TAB2: variants seen among roughly 807,000 people sequenced by gnomAD.
TAB2 encodes TGF-beta activated kinase 1 (MAP3K7) binding protein 2.
A neutral mutation model predicts 65.0 loss-of-function variants in TAB2; 3 were observed. That is an observed-to-expected ratio of 0.05 (90% CI 0.02 to 0.12). The LOEUF (loss-of-function observed/expected upper bound fraction) is 0.12. Ranked by LOEUF, TAB2 falls within the 10% of genes least tolerant of loss-of-function variation. The pLI is 1.00. For synonymous variants in TAB2, 298 were observed against 285.1 expected (o/e 1.05, Z -0.46); for missense variants, 623 against 840.3 (o/e 0.74, Z 3.20).
rs148722166 is a variant in TAB2, at chr6:149,378,269, T to C, written c.354T>C (p.Asn118=). Residue 118 remains asparagine, a synonymous_variant, in exon 3 of 7, where the codon AAT becomes AAC. Transcript: ENST00000637181. Reference sequence around the variant, plus strand: ...GACAACTTCAAGGTGGCCAGTCCAATAGTGAACTATTTCAGCAGGAGCCAC... The same window carrying C: ...GACAACTTCAAGGTGGCCAGTCCAACAGTGAACTATTTCAGCAGGAGCCAC... The part of the protein sequence containing the change: ...SDGQLQGGQS[N]SELFQQEPQT... 1.5e-5 allele frequency: 24 copies of C among 1,614,228 alleles called. No individual in the cohort carries two copies. The highest frequency in any genetic ancestry group is 1.0e-5 in the Non-Finnish European group (12 of 1,180,044).
At chr6:149,365,071 C>T (rs534041698) in intron 1 of TAB2, among the ~76,000 whole-genome samples, 1 of 152,076 alleles carries the variant, frequency 6.6e-6, no homozygotes, top group Non-Finnish European at 1.5e-5. Context: ...GGAATTAACC[C>T]TCCTAGATCA....
intron 1 of TAB2, among the ~76,000 whole-genome samples, chr6:149,236,017 CAG>C (rs1218901158): frequency 1.3e-5 from 2 of 152,144 alleles, no homozygotes; most frequent in Non-Finnish European, 2.9e-5. Flanking sequence ...GACCATGACA[CAG>C]AGCTCAAAAT....
chr6:149,278,026 C>T (rs73603586), intron 1 of TAB2, among the ~76,000 whole-genome samples: 3,560 of 152,204 alleles, frequency 0.023, 151 homozygotes, highest in African/African-American at 0.08. Context: ...TTCTCCCTAG[C>T]GAAGCTAATT....
chr6:149,259,598 C>G (rs1398379704), intron 1 of TAB2, among the ~76,000 whole-genome samples: 1 of 152,190 alleles, frequency 6.6e-6, no homozygotes, highest in Admixed American at 6.5e-5. Context: ...ATTGCCCAAC[C>G]TGGACAAAGG....
Position 149,261,446 on chromosome 6 carries a change from A to G in TAB2, c.-121+42670A>G, listed in dbSNP as rs545361665. Among the ~76,000 whole-genome samples the G allele has an allele frequency of 4.1e-4, 62 of 152,366 alleles. 2 individuals are homozygous for G. Among genetic ancestry groups the G allele is most frequent in the Admixed American group, 2.2e-3 (33 of 15,296 alleles). ...GACAAAAAGAACTATTTTAAAAAGC[A>G]TGTGTTTTTCATAGCGTACTTCACT... On this transcript the variant is annotated intron_variant, in intron 1 of 1. Transcript: ENST00000606202.
At chr6:149,302,510 G>A (rs750210947) in intron 1 of TAB2, among the ~76,000 whole-genome samples, 2 of 152,116 alleles carry the variant, frequency 1.3e-5, no homozygotes, top group Non-Finnish European at 1.5e-5. Context: ...GCTGTTCTCC[G>A]AAAATCTGTC....
At chr6:149,222,473 C>T (rs188759257) in intron 1 of TAB2, among the ~76,000 whole-genome samples, 168 of 151,966 alleles carry the variant, frequency 1.1e-3, no homozygotes, top group African/African-American at 3.6e-3. Context: ...TAAAAATTAG[C>T]GAGGCATGGT....
intron 1 of TAB2, among the ~76,000 whole-genome samples, chr6:149,367,278 G>A (rs985915859): frequency 6.6e-6 from 1 of 152,056 alleles, no homozygotes; most frequent in African/African-American, 2.4e-5. Flanking sequence ...GATTGGTCAG[G>A]GAAACTGTCT....
chr6:149,266,577 G>A (rs1778269435), intron 1 of TAB2, among the ~76,000 whole-genome samples: 1 of 152,156 alleles, frequency 6.6e-6, no homozygotes, highest in African/African-American at 2.4e-5. Flanking sequence ...AACAGTGATC[G>A]GCTTATAACC....
intron 1 of TAB2, among the ~76,000 whole-genome samples, chr6:149,232,792 G>A (rs1777429782): frequency 6.6e-6 from 1 of 152,084 alleles, no homozygotes; most frequent in African/African-American, 2.4e-5. Flanking sequence ...AGGAAACTGA[G>A]GCTTGGAGAA....
At chr6:149,406,996 C>T (rs989244381) in intron 6 of TAB2, among the ~76,000 whole-genome samples, 3 of 152,200 alleles carry the variant, frequency 2.0e-5, no homozygotes, top group African/African-American at 7.2e-5. Context: ...GGATTACAGG[C>T]GTGAGCCACA....
intron 1 of TAB2, among the ~76,000 whole-genome samples, chr6:149,289,524 C>T (rs1030026598): frequency 4.6e-5 from 7 of 152,312 alleles, no homozygotes; most frequent in Admixed American, 3.9e-4. Context: ...CAGGTGTTTC[C>T]CACATGCAGC....
In TAB2 at chr6:149,409,558, AT is replaced by A. The variant is rs756663495; in HGVS notation, c.1940-12del. ...TTTGTGATTTTTTACTTATAAAATA[AT>A]TTTTTTCTTTCTTACAGATCAAAGG... On this transcript the variant is annotated intron_variant, in intron 6 of 6. Coordinates refer to ENST00000637181, the MANE Select transcript of TAB2 (RefSeq NM_001292034.3). 2.5e-6 allele frequency: 4 copies of A among 1,608,918 alleles called. No homozygotes were observed. The highest frequency in any genetic ancestry group is 1.3e-5 in the African/African-American group (1 of 74,748).
chr6:149,326,400 T>TA (rs1779619610), intron 1 of TAB2, among the ~76,000 whole-genome samples: 2 of 152,180 alleles, frequency 1.3e-5, no homozygotes, highest in African/African-American at 2.4e-5. Flanking sequence ...GCTTTAATCT[T>TA]ACACGTGTGC....
intron 1 of TAB2, among the ~76,000 whole-genome samples, chr6:149,242,086 T>C (rs1435468901): frequency 6.6e-6 from 1 of 152,192 alleles, no homozygotes; most frequent in African/African-American, 2.4e-5. Context: ...CTGCAGGATA[T>C]GGATGTCACT....
At chr6:149,242,792 T>C (rs1020629673) in intron 1 of TAB2, among the ~76,000 whole-genome samples, 1 of 152,064 alleles carries the variant, frequency 6.6e-6, no homozygotes, top group South Asian at 2.1e-4. Flanking sequence ...GTTAGACTCA[T>C]CCCCAAAGAA....
chr6:149,285,743 C>A (rs906701232), intron 1 of TAB2, among the ~76,000 whole-genome samples: 3 of 152,148 alleles, frequency 2.0e-5, no homozygotes, highest in Non-Finnish European at 2.9e-5. Context: ...GGTAGGTGGA[C>A]AAACTGACGT....
chr6:149,219,598 G>A (rs1777097753), intron 1 of TAB2, among the ~76,000 whole-genome samples: 1 of 152,176 alleles, frequency 6.6e-6, no homozygotes, highest in Non-Finnish European at 1.5e-5. Flanking sequence ...AGTCAGAGAA[G>A]TCTGTGCTGT....
chr6:149,252,298 G>A (rs991286189), intron 1 of TAB2, among the ~76,000 whole-genome samples: 4 of 151,932 alleles, frequency 2.6e-5, no homozygotes, highest in East Asian at 3.9e-4. Context: ...CCAGCTACTC[G>A]GGAGGCTGAG....
Sources: allele counts gnomAD v4.1 joint callset (sites outside exome capture counted in the v4.1 genomes callset), GRCh38; gene constraint gnomAD v4.1.1; transcripts MANE v1.5; gene names NCBI Gene and HGNC (gene_info 2026-07-23, HGNC 2026-07-21).